ELAC2: variants seen among roughly 807,000 people sequenced by gnomAD.
The protein encoded by ELAC2 is elaC ribonuclease Z 2.
A neutral mutation model predicts 105.2 loss-of-function variants in ELAC2; 92 were observed. That is an observed-to-expected ratio of 0.87 (90% CI 0.74 to 1.04). The LOEUF is 1.04. Ranked by LOEUF, ELAC2 falls within the 50% of genes least tolerant of loss-of-function variation. The pLI, the probability that ELAC2 is intolerant of heterozygous loss-of-function variation, is 0.00. For missense variants in ELAC2, 1,099 were observed against 1,071.7 expected (o/e 1.03, Z -0.36); for synonymous variants, 468 against 409.1 (o/e 1.14, Z -1.74).
chr17:13,002,300 C>T lies in ELAC2; in HGVS notation c.1278G>A (p.Gln426=), dbSNP rs1360216860. The T allele has an allele frequency of 6.2e-6, 10 of 1,614,168 alleles. No individual in the cohort carries two copies. The highest frequency in any genetic ancestry group is 8.5e-6 in the Non-Finnish European group (10 of 1,180,046). ...TCTGCCACTCCCTCCTGGGACGGAGCTGGTACTTGAGGAGGCATTCACCCT... is the reference window on the plus strand; with the variant it reads ...TCTGCCACTCCCTCCTGGGACGGAGTTGGTACTTGAGGAGGCATTCACCCT... ...MVQGECLLKY[Q]LRPRREWQRD... The change falls in exon 14 of 24, where the codon CAG becomes CAA. Residue 426 remains glutamine (Q), a synonymous_variant. Coordinates refer to ENST00000338034, the MANE Select transcript of ELAC2 (RefSeq NM_018127.7).
At position 12,993,677 on chromosome 17, in the gene ELAC2, A is replaced by G. The variant is rs1361934019; in HGVS notation, c.2253+10T>C. 2.5e-6 allele frequency: 4 copies of G among 1,614,148 alleles called. No homozygotes were observed. In the South Asian group the frequency reaches 4.4e-5, roughly 18 times the overall value. On this transcript the variant is annotated intron_variant, in intron 23 of 23. Coordinates refer to ENST00000338034, the MANE Select transcript of ELAC2 (RefSeq NM_018127.7). Reference sequence around the variant, plus strand: ...GTCCCCGCCCTGTGCTGTCCGTGTGACATACAGACCTTCATGTGGTCAAAG... The same window carrying G: ...GTCCCCGCCCTGTGCTGTCCGTGTGGCATACAGACCTTCATGTGGTCAAAG...
chr17:13,017,181 C>T, intron 1 of ELAC2, 60 bp from the exon 2 acceptor site: 1 of 1,409,128 alleles, frequency 7.1e-7, no homozygotes, highest in Admixed American at 1.7e-5. Flanking sequence ...CTCTCTGACA[C>T]CAATTAGATG....
At chr17:13,005,204 T>C in intron 10 of ELAC2, 103 bp from the exon 11 acceptor site, 2 of 852,708 alleles carry the variant, frequency 2.3e-6, no homozygotes, top group South Asian at 2.7e-5. Flanking sequence ...TCCAGTGAGC[T>C]GAGAGGTAAA....
intron 11 of ELAC2, among the ~76,000 whole-genome samples, chr17:13,004,308 C>T (rs550754119): frequency 5.9e-5 from 9 of 151,852 alleles, no homozygotes; most frequent in Admixed American, 3.9e-4. Flanking sequence ...CGCTCTGACT[C>T]GGAAGGGGTA....
intron 14 of ELAC2, 40 bp downstream of exon 14, chr17:13,002,234 C>T: frequency 4.4e-6 from 7 of 1,608,736 alleles, no homozygotes; most frequent in Non-Finnish European, 6.0e-6. Context: ...TGTTTCCCAA[C>T]TCGACTGAGA....
At chr17:12,994,263 G>A (rs1302955104) in intron 22 of ELAC2, among the ~76,000 whole-genome samples, 162 bp downstream of exon 22, 1 of 152,136 alleles carries the variant, frequency 6.6e-6, no homozygotes, top group Non-Finnish European at 1.5e-5. Context: ...AAAAATAAAG[G>A]CCAAGAGCCT....
In ELAC2 at chr17:13,017,866, G is replaced by T; in HGVS notation, c.82C>A (p.Arg28Ser). 16 of 1,554,632 alleles carry T rather than the reference G, an allele frequency of 1.0e-5. No individual in the cohort carries two copies. The highest frequency in any genetic ancestry group is 1.3e-5 in the Non-Finnish European group (15 of 1,152,002). The change falls in exon 1 of 24, where the codon CGC becomes AGC. Residue 28 changes from arginine to serine, a missense_variant. By Grantham distance (110) the Arg-to-Ser change is moderately radical. Transcript: ENST00000338034. Reference sequence around the variant, plus strand: ...GGGTCCTTGCGCGGCCGCTCGCGGCGGGCGGGTGCCTGCGATATGGTGCGT... The same window carrying T: ...GGGTCCTTGCGCGGCCGCTCGCGGCTGGCGGGTGCCTGCGATATGGTGCGT... The part of the protein sequence containing the change: ...QGRTISQAPA[R>S]RERPRKDPLR...
At chr17:13,014,789 G>T (rs1160246392) in intron 4 of ELAC2, among the ~76,000 whole-genome samples, 7 of 152,246 alleles carry the variant, frequency 4.6e-5, no homozygotes, top group Admixed American at 4.6e-4. Context: ...CAAGGAAAAT[G>T]AAAAATACAG....
In ELAC2 at chr17:13,017,815, T is replaced by C. The variant is rs771717048; in HGVS notation, c.133A>G (p.Lys45Glu). The C allele has an allele frequency of 6.2e-7, 1 of 1,600,978 alleles. No individual in the cohort carries two copies. Among genetic ancestry groups the C allele is most frequent in the East Asian group, 2.3e-5 (1 of 44,384 alleles). Reference protein sequence around the residue: ...DPLRHLRTREKRGPSGCSGGP... With the variant: ...DPLRHLRTREERGPSGCSGGP... The stretch of plus-strand genomic sequence containing the variant: ...CCGGAGCACCCCGACGGTCCGCGCT[T>C]CTCTCGCGTGCGCAGGTGCCGCAGC... Residue 45 changes from lysine (K) to glutamate (E), a missense_variant, in exon 1 of 24, where the codon AAG (lysine) becomes GAG (glutamate). Coordinates refer to ENST00000338034, the MANE Select transcript of ELAC2 (RefSeq NM_018127.7).
In ELAC2 at chr17:13,017,840, C is replaced by A; in HGVS notation, c.108G>T (p.Pro36=). 1 of 1,578,404 alleles carries A rather than the reference C, an allele frequency of 6.3e-7. No homozygotes were observed. The highest frequency in any genetic ancestry group is 8.6e-7 in the Non-Finnish European group (1 of 1,163,876). ...PARRERPRKD[P]LRHLRTREKR... ...TCTCTCGCGTGCGCAGGTGCCGCAG[C>A]GGGTCCTTGCGCGGCCGCTCGCGGC... is the stretch of plus-strand genomic sequence containing the variant. Residue 36 remains proline (P), a synonymous_variant, in exon 1 of 24, where the codon CCG becomes CCT. Coordinates refer to ENST00000338034, the MANE Select transcript of ELAC2 (RefSeq NM_018127.7).
chr17:12,991,765 G>A lies in ELAC2; in HGVS notation c.*1053C>T, dbSNP rs375139709. ...AAGCCAGGTCCCTGGCTGATCTCTC[G>A]CTTGCTTGTCTTTTGAGTTTTTAAA... On this transcript the variant is annotated 3_prime_UTR_variant, in exon 24 of 24. Coordinates refer to ENST00000338034, the MANE Select transcript of ELAC2 (RefSeq NM_018127.7). 4.2e-5 allele frequency: 9 copies of A among 212,666 alleles called. No individual in the cohort carries two copies. Among genetic ancestry groups the A allele is most frequent in the East Asian group, 1.4e-4 (2 of 14,278 alleles). 13.2% of individuals were successfully genotyped at this position (212,666 alleles called of 1,614,324 possible).
chr17:12,996,074 C>G (rs2040453980), intron 17 of ELAC2, 96 bp from the exon 18 acceptor site: 2 of 1,342,922 alleles, frequency 1.5e-6, no homozygotes. Flanking sequence ...AGTTGCCAGC[C>G]CGACGTCACC....
Position 13,001,308 on chromosome 17 carries a change from A to G in ELAC2, c.1304+966T>C, listed in dbSNP as rs150986458. Among the ~76,000 whole-genome samples, 279 of 152,142 alleles carry G rather than the reference A, an allele frequency of 1.8e-3. 1 individual carries two copies. Among genetic ancestry groups the G allele is most frequent in the African/African-American group, 6.6e-3 (273 of 41,498 alleles). ...AGGAGTTCGAGACCAGCCTGCCAAC[A>G]TGGTGAAACCCGTCTCTGCTAAAAT... On this transcript the variant is annotated intron_variant, in intron 14 of 23. Transcript: ENST00000338034.
Position 13,011,719 on chromosome 17 carries a change from C to A in ELAC2, c.623G>T (p.Ser208Ile). 6.2e-7 allele frequency: 1 copy of A among 1,614,172 alleles called. No homozygotes were observed. The highest frequency in any genetic ancestry group is 8.5e-7 in the Non-Finnish European group (1 of 1,180,028). ...CTCGGAGTCTGAAGATCGCTCTGGACTGAGCCTGCTGAGAGGCCTTTCTGG... is the reference window on the plus strand; with the variant it reads ...CTCGGAGTCTGAAGATCGCTCTGGAATGAGCCTGCTGAGAGGCCTTTCTGG... ...QSPERPLSRL[S>I]PERSSDSESN... The change falls in exon 7 of 24, where the codon AGT (serine) becomes ATT (isoleucine). Residue 208 changes from serine (S) to isoleucine (I), a missense_variant. Physicochemically the swap from Ser to Ile is moderately radical, Grantham distance 142. Transcript: ENST00000338034.
intron 12 of ELAC2, among the ~76,000 whole-genome samples, chr17:13,002,965 C>T (rs1366805350): frequency 2.0e-5 from 3 of 152,126 alleles, no homozygotes; most frequent in African/African-American, 7.2e-5. Context: ...AAGGTCACCC[C>T]GCACCCGAGC....
intron 8 of ELAC2, among the ~76,000 whole-genome samples, chr17:13,010,409 T>G (rs185325932): frequency 6.6e-6 from 1 of 152,348 alleles, no homozygotes; most frequent in Non-Finnish European, 1.5e-5. Context: ...GACCTCGTGA[T>G]CCACCTGCCT....
chr17:13,000,091 G>T, intron 15 of ELAC2, 65 bp downstream of exon 15: 1 of 1,494,416 alleles, frequency 6.7e-7, no homozygotes, highest in Non-Finnish European at 9.3e-7. Context: ...TCCACTTAAT[G>T]CTAGGAAAAC....
Position 13,017,862 on chromosome 17 carries a change from CG to C in ELAC2, c.85del (p.Arg29AlafsTer72). The stretch of plus-strand genomic sequence containing the variant: ...CAGCGGGTCCTTGCGCGGCCGCTCG[CG>C]GCGGGCGGGTGCCTGCGATATGGTG... ...GRTISQAPAR[R>X]ERPRKDPLRH... On this transcript the variant is annotated frameshift_variant, in exon 1 of 24. Coordinates refer to ENST00000338034, the MANE Select transcript of ELAC2 (RefSeq NM_018127.7). LOFTEE classifies it high-confidence loss of function. 6.4e-7 allele frequency: 1 copy of C among 1,559,214 alleles called. No individual in the cohort carries two copies. Among genetic ancestry groups the C allele is most frequent in the East Asian group, 2.4e-5 (1 of 41,984 alleles).
chr17:13,000,396 A>G, intron 14 of ELAC2, 122 bp from the exon 15 acceptor site: 1 of 907,914 alleles, frequency 1.1e-6, no homozygotes, highest in Non-Finnish European at 1.8e-6. Flanking sequence ...TCAGATCAAC[A>G]CTGAAGGTTA....
Sources: gnomAD v4.1 joint callset for allele counts (sites outside exome capture counted in the v4.1 genomes callset) on GRCh38, gnomAD v4.1.1 for gene constraint, MANE v1.5 for transcripts, NCBI Gene and HGNC (gene_info 2026-07-23, HGNC 2026-07-21) for gene names.